The following VPS50 variants were observed in gnomAD, a reference collection of about 807,000 sequenced individuals.
The protein encoded by VPS50 is syndetin.
In VPS50, 70 loss-of-function variants were observed where a neutral mutation model predicts 139.7. The ratio of observed to expected loss-of-function variants is 0.50; its 90% CI spans 0.41 to 0.61. The LOEUF (loss-of-function observed/expected upper bound fraction) is 0.61. Ranked by LOEUF, VPS50 falls within the 20% of genes least tolerant of loss-of-function variation. VPS50 has a pLI of 0.00. For missense variants in VPS50, 921 were observed against 1,133.7 expected, an observed-to-expected ratio of 0.81 and a Z score of 2.69; for synonymous variants, 365 against 376.7, an observed-to-expected ratio of 0.97 and a Z score of 0.36.
chr7:93,323,845 A>G, intron 21 of VPS50, 113 bp downstream of exon 21: 1 of 472,354 alleles, frequency 2.1e-6, no homozygotes, highest in Non-Finnish European at 3.4e-6. Context: ...TTTGGGGATT[A>G]TGCATCAAAA....
chr7:93,316,609 G>A (rs1316885222), intron 20 of VPS50, among the ~76,000 whole-genome samples: 1 of 152,166 alleles, frequency 6.6e-6, no homozygotes, highest in African/African-American at 2.4e-5. Context: ...AGGTTTGTGT[G>A]ATTAACCAGT....
rs980989424 is a variant in VPS50 at position 93,360,498 on chromosome 7, C to A, written c.*2062C>A. The A allele has an allele frequency of 5.5e-5, 8 of 146,206 alleles. No individual in the cohort carries two copies. Among genetic ancestry groups the A allele is most frequent in the Non-Finnish European group, 1.2e-4 (8 of 67,070 alleles). 9.1% of individuals were successfully genotyped at this position (146,206 alleles called of 1,614,324 possible). The stretch of plus-strand genomic sequence containing the variant: ...ACAGGAGGTTTGAGTCATGAAGTTA[C>A]CTAATCACAAGAGAGTTACCAGACA... On this transcript the variant is annotated 3_prime_UTR_variant, in exon 28 of 28. Transcript: ENST00000305866.
intron 23 of VPS50, among the ~76,000 whole-genome samples, chr7:93,346,643 C>T (rs961429423): frequency 6.6e-6 from 1 of 151,832 alleles, no homozygotes; most frequent in Non-Finnish European, 1.5e-5. Context: ...ATCAATGGAA[C>T]AGAACAGAGC....
intron 9 of VPS50, among the ~76,000 whole-genome samples, chr7:93,270,553 T>C (rs1347425987): frequency 6.6e-6 from 1 of 151,984 alleles, no homozygotes; most frequent in Non-Finnish European, 1.5e-5. Flanking sequence ...TTAAAAATAA[T>C]GCTGCAAGGA....
At chr7:93,343,821 T>C (rs1798301284) in intron 23 of VPS50, among the ~76,000 whole-genome samples, 1 of 152,070 alleles carries the variant, frequency 6.6e-6, no homozygotes, top group Admixed American at 6.5e-5. Context: ...AAAGAGCTCC[T>C]GAAGGAAGCG....
intron 12 of VPS50, among the ~76,000 whole-genome samples, chr7:93,285,202 G>C (rs541519508): frequency 4.6e-5 from 7 of 152,208 alleles, no homozygotes; most frequent in East Asian, 3.9e-4. Flanking sequence ...GTGTGTTTTG[G>C]GGGGTGGAGG....
intron 25 of VPS50, among the ~76,000 whole-genome samples, chr7:93,351,971 A>G (rs1798574397): frequency 6.6e-6 from 1 of 152,202 alleles, no homozygotes; most frequent in African/African-American, 2.4e-5. Flanking sequence ...AAGGTTAATT[A>G]TCTGTGATAA....
chr7:93,328,934 T>A (rs1351236353), intron 21 of VPS50, among the ~76,000 whole-genome samples: 1 of 151,842 alleles, frequency 6.6e-6, no homozygotes, highest in African/African-American at 2.4e-5. Flanking sequence ...AGAAAAAAAA[T>A]ATAAACGGAG....
In VPS50 at chr7:93,291,818, A is replaced by G; in HGVS notation, c.1058A>G (p.Asp353Gly). ...MEWHEKHDNE[D>G]TASASEGSNM... ...TGGCATGAAAAGCATGACAATGAGG[A>G]TACTGCTTCAGCTTCTGGTAGGAAA... Residue 353 changes from aspartate to glycine, a missense_variant, in exon 13 of 28, where the codon GAT becomes GGT. By Grantham distance (94) the Asp-to-Gly change is moderately conservative. Around this residue, in one of 3 missense-constraint regions of VPS50, gnomAD observed 744 missense variants for 930.6 expected, o/e 0.80. Coordinates refer to ENST00000305866, the MANE Select transcript of VPS50 (RefSeq NM_017667.4). 1 of 1,585,564 alleles carries G rather than the reference A, an allele frequency of 6.3e-7. No individual in the cohort carries two copies. The highest frequency in any genetic ancestry group is 8.6e-7 in the Non-Finnish European group (1 of 1,167,926).
chr7:93,305,596 T>G (rs1361748349), intron 17 of VPS50, among the ~76,000 whole-genome samples: 1 of 151,898 alleles, frequency 6.6e-6, no homozygotes, highest in Non-Finnish European at 1.5e-5. Flanking sequence ...AGTAGCTTGA[T>G]GCAGATGATA....
chr7:93,238,498 T>C (rs955441158), intron 1 of VPS50, among the ~76,000 whole-genome samples: 1 of 152,178 alleles, frequency 6.6e-6, no homozygotes, highest in African/African-American at 2.4e-5. Context: ...GGACTTTGTC[T>C]CTCCCTTTCC....
At chr7:93,274,246 T>A (rs1239717276) in intron 11 of VPS50, among the ~76,000 whole-genome samples, 2 of 152,106 alleles carry the variant, frequency 1.3e-5, no homozygotes, top group African/African-American at 4.8e-5. Flanking sequence ...GGAACAGCCT[T>A]CTATTGGAAG....
chr7:93,292,003 A>G lies in VPS50; in HGVS notation c.1075+168A>G, dbSNP rs140372485. On this transcript the variant is annotated intron_variant, in intron 13 of 27. Transcript: ENST00000305866. The stretch of plus-strand genomic sequence containing the variant: ...GTGATTCAGCTACTTCAAATGTTCT[A>G]TTACCTTTAGAGAGTAACTGGGCCA... 1.3e-4 allele frequency among the ~76,000 whole-genome samples: 20 copies of G among 152,234 alleles called. 1 individual carries two copies. The highest frequency in any genetic ancestry group is 4.3e-4 in the African/African-American group (18 of 41,558).
chr7:93,236,024 A>G (rs533169954), intron 1 of VPS50, among the ~76,000 whole-genome samples: 120 of 152,338 alleles, frequency 7.9e-4, no homozygotes, highest in African/African-American at 2.6e-3. Context: ...TGAGGTAAGA[A>G]GTCTTTAGCT....
Position 93,360,427 on chromosome 7 carries a change from T to C in VPS50, c.*1991T>C, listed in dbSNP as rs1313830829. 3 of 112,602 alleles carry C rather than the reference T, an allele frequency of 2.7e-5. No homozygotes were observed. Among genetic ancestry groups the C allele is most frequent in the East Asian group, 2.9e-4 (1 of 3,440 alleles). 7.0% of individuals were successfully genotyped at this position (112,602 alleles called of 1,614,324 possible). ...AAAAGGTTTTTTTTTTTTTTTTTTT[T>C]CATTAAAAGGTAGCTTAATAAGTGC... On this transcript the variant is annotated 3_prime_UTR_variant, in exon 28 of 28. Coordinates refer to ENST00000305866, the MANE Select transcript of VPS50 (RefSeq NM_017667.4).
chr7:93,328,043 A>G (rs1015169629), intron 21 of VPS50, among the ~76,000 whole-genome samples: 3 of 152,216 alleles, frequency 2.0e-5, no homozygotes, highest in Non-Finnish European at 4.4e-5. Flanking sequence ...TATTAATACT[A>G]TTCCCTCCAG....
At chr7:93,296,604 T>C in intron 14 of VPS50, 138 bp from the exon 15 acceptor site, 1 of 1,419,918 alleles carries the variant, frequency 7.0e-7, no homozygotes, top group Non-Finnish European at 9.2e-7. Context: ...TGTTGGCTAT[T>C]GGCCTAAATA....
intron 17 of VPS50, 86 bp downstream of exon 17, chr7:93,303,636 G>T (rs1797040988): frequency 1.7e-6 from 1 of 578,568 alleles, no homozygotes; most frequent in African/African-American, 1.9e-5. Context: ...AGAAATATAT[G>T]AAAACATTTA....
At chr7:93,319,970 AATT>A (rs1168836512) in intron 20 of VPS50, among the ~76,000 whole-genome samples, 35 of 152,052 alleles carry the variant, frequency 2.3e-4, no homozygotes, top group Non-Finnish European at 4.4e-4. Flanking sequence ...TGAGAAATTT[AATT>A]ATTATATTTC....
Sources: allele counts gnomAD v4.1 joint callset (sites outside exome capture counted in the v4.1 genomes callset), GRCh38; gene constraint gnomAD v4.1.1; regional missense constraint gnomAD v4.1.1; transcripts MANE v1.5; gene names NCBI Gene and HGNC (gene_info 2026-07-23, HGNC 2026-07-21).